PSMD2: variants seen among roughly 807,000 people sequenced by gnomAD.
The protein encoded by PSMD2 is 26S proteasome non-ATPase regulatory subunit 2.
In PSMD2, 8 loss-of-function variants were observed where a neutral mutation model predicts 101.5. The ratio of observed to expected loss-of-function variants is 0.08; its 90% CI spans 0.05 to 0.14. PSMD2 has a LOEUF of 0.14. Ranked by LOEUF, PSMD2 falls within the 10% of genes least tolerant of loss-of-function variation. The pLI, the probability that PSMD2 is intolerant of heterozygous loss-of-function variation, is 1.00. For synonymous variants in PSMD2, 418 were observed against 433.8 expected (o/e 0.96, Z 0.45); for missense variants, 784 against 1,147.4 (o/e 0.68, Z 4.58).
intron 13 of PSMD2, 62 bp downstream of exon 13, chr3:184,305,992 T>C: frequency 6.2e-7 from 1 of 1,613,520 alleles, no homozygotes. Context: ...AGGGAGGGTT[T>C]ATGTGTCAGG....
chr3:184,306,179 T>C (rs1721825090), intron 14 of PSMD2, 24 bp downstream of exon 14: 2 of 1,612,688 alleles, frequency 1.2e-6, no homozygotes, highest in Non-Finnish European at 1.7e-6. Flanking sequence ...TGAGTCTGTC[T>C]TGTGCTTCCC....
At position 184,306,770 on chromosome 3, in the gene PSMD2, T is replaced by C. The variant is rs1560196623; in HGVS notation, c.1970T>C (p.Ile657Thr). The C allele has an allele frequency of 6.2e-7, 1 of 1,613,932 alleles. No homozygotes were observed. The highest frequency in any genetic ancestry group is 8.5e-7 in the Non-Finnish European group (1 of 1,179,922). The change falls in exon 16 of 21, where the codon ATT becomes ACT. Residue 657 changes from isoleucine (I) to threonine (T), a missense_variant. Around this residue, in one of 6 missense-constraint regions of PSMD2, gnomAD observed 282 missense variants for 437.6 expected, o/e 0.64. Transcript: ENST00000310118. ...GAHQGVAVLG[I>T]ALIAMGEEIG... is the part of the protein sequence containing the mutation. Reference sequence around the variant, plus strand: ...TTGCAGGGAGTGGCTGTTCTGGGGATTGCCCTTATTGCTATGGGGGAGGAG... The same window carrying C: ...TTGCAGGGAGTGGCTGTTCTGGGGACTGCCCTTATTGCTATGGGGGAGGAG...
At chr3:184,302,976 A>G (rs746760675) in intron 7 of PSMD2, 26 bp from the exon 8 acceptor site, 36 of 1,613,786 alleles carry the variant, frequency 2.2e-5, no homozygotes, top group Non-Finnish European at 2.7e-5. Context: ...TAGGGAAGCA[A>G]TTGTGACCCT....
chr3:184,301,851 C>A lies in PSMD2; in HGVS notation c.484C>A (p.Leu162Met), dbSNP rs1352737955. 1 of 1,614,068 alleles carries A rather than the reference C, an allele frequency of 6.2e-7. No individual in the cohort carries two copies. Among genetic ancestry groups the A allele is most frequent in the Non-Finnish European group, 8.5e-7 (1 of 1,180,050 alleles). The stretch of plus-strand genomic sequence containing the variant: ...ATCGTCTGGGACTATCTGTAGGCAT[C>A]TGGCAGGAGAAGTGGCTAAGGAGTG... Reference protein sequence around the residue: ...ASWGHEYVRHLAGEVAKEWQE... With the variant: ...ASWGHEYVRHMAGEVAKEWQE... The change falls in exon 5 of 21, where the codon CTG becomes ATG. Residue 162 changes from leucine (L) to methionine (M), a missense_variant. Physicochemically the swap from Leu to Met is conservative, Grantham distance 15 (BLOSUM62 2). Around this residue, in one of 6 missense-constraint regions of PSMD2, gnomAD observed 208 missense variants for 301.6 expected, o/e 0.69. Coordinates refer to ENST00000310118, the MANE Select transcript of PSMD2 (RefSeq NM_002808.5).
At chr3:184,303,272 C>T in intron 8 of PSMD2, 48 bp from the exon 9 acceptor site, 1 of 1,592,042 alleles carries the variant, frequency 6.3e-7, no homozygotes, top group East Asian at 2.2e-5. Flanking sequence ...TCTTTCCTGT[C>T]CTACCTGAAA....
Position 184,299,363 on chromosome 3 carries a change from C to T in PSMD2, c.97C>T (p.Arg33Trp), listed in dbSNP as rs17524338. 27 of 1,407,222 alleles carry T rather than the reference C, an allele frequency of 1.9e-5. No individual in the cohort carries two copies. The highest frequency in any genetic ancestry group is 2.4e-5 in the Non-Finnish European group (26 of 1,083,738). 87.2% of individuals were successfully genotyped at this position (1,407,222 alleles called of 1,614,324 possible). A position where few individuals can be genotyped will look rare whatever the true frequency, so the allele number is the denominator to read the frequency against. The change falls in exon 1 of 21, where the codon CGG becomes TGG. Residue 33 changes from arginine (R) to tryptophan (W), a missense_variant. Around this residue, in one of 6 missense-constraint regions of PSMD2, gnomAD observed 196 missense variants for 182.4 expected, o/e 1.07. Transcript: ENST00000310118. ...GTDEKPSGKE[R>W]RDAGDKDKEQ... Reference sequence around the variant, plus strand: ...GGACGAGAAGCCGAGCGGCAAGGAGCGGCGGGATGCCGGGGACAAGGACAA... The same window carrying T: ...GGACGAGAAGCCGAGCGGCAAGGAGTGGCGGGATGCCGGGGACAAGGACAA...
At chr3:184,302,911 C>T in intron 7 of PSMD2, 88 bp downstream of exon 7, 3 of 1,610,468 alleles carry the variant, frequency 1.9e-6, no homozygotes, top group Non-Finnish European at 1.7e-6. Context: ...ACTAGACTCT[C>T]CTTGATTAGA....
At chr3:184,302,263 G>T (rs967987602) in intron 5 of PSMD2, 107 bp from the exon 6 acceptor site, 2 of 1,268,370 alleles carry the variant, frequency 1.6e-6, no homozygotes, top group Non-Finnish European at 1.1e-6. Flanking sequence ...CTAGCACAGT[G>T]CCTGGTGTAT....
chr3:184,301,774 C>T (rs1721651381), intron 4 of PSMD2, 73 bp from the exon 5 acceptor site: 1 of 1,609,818 alleles, frequency 6.2e-7, no homozygotes, highest in Non-Finnish European at 8.5e-7. Flanking sequence ...TTCCCAGACG[C>T]TGGATTCCTT....
chr3:184,302,135 G>A (rs780422245), intron 5 of PSMD2, 64 bp downstream of exon 5: 76 of 1,515,474 alleles, frequency 5.0e-5, no homozygotes, highest in African/African-American at 1.9e-4. Context: ...TCTCAATTGC[G>A]CCTCCTCTAT....
At position 184,301,519 on chromosome 3, in the gene PSMD2, G is replaced by T. The variant is rs1721643346; in HGVS notation, c.358-18G>T. Reference sequence around the variant, plus strand: ...CTGGACTGCTGGGTTTGACTTCAAAGAACTCTTTTCTTTATAGCGTTTTGC... The same window carrying T: ...CTGGACTGCTGGGTTTGACTTCAAATAACTCTTTTCTTTATAGCGTTTTGC... On this transcript the variant is annotated intron_variant, in intron 3 of 20. Coordinates refer to ENST00000310118, the MANE Select transcript of PSMD2 (RefSeq NM_002808.5). 1.9e-6 allele frequency: 3 copies of T among 1,612,660 alleles called. No homozygotes were observed. The highest frequency in any genetic ancestry group is 1.1e-5 in the South Asian group (1 of 90,974).
At chr3:184,302,244 T>C in intron 5 of PSMD2, 126 bp from the exon 6 acceptor site, 6 of 1,200,092 alleles carry the variant, frequency 5.0e-6, no homozygotes, top group Non-Finnish European at 7.0e-6. Context: ...TTCTTAGTAG[T>C]TCTAACATCT....
chr3:184,299,593 C>T, intron 1 of PSMD2, 192 bp downstream of exon 1: 1 of 794,100 alleles, frequency 1.3e-6, no homozygotes, highest in Non-Finnish European at 1.9e-6. Context: ...CCGCCGTCCC[C>T]ACCAACCCTC....
chr3:184,299,282 C>A lies in PSMD2; in HGVS notation c.16C>A (p.Arg6=). The A allele has an allele frequency of 1.5e-6, 2 of 1,359,922 alleles. No homozygotes were observed. Among genetic ancestry groups the A allele is most frequent in the Non-Finnish European group, 1.9e-6 (2 of 1,056,932 alleles). The allele number at this position is 1,359,922 out of a possible 1,614,324, so 84.2% of individuals were successfully genotyped here. A position where few individuals can be genotyped will look rare whatever the true frequency, so the allele number is the denominator to read the frequency against. MEEGG[R]DKAPVQPQQS... is the part of the protein sequence containing the mutation. Reference sequence around the variant, plus strand: ...GGCGGCGGAGATGGAGGAGGGAGGCCGGGACAAGGCGCCGGTGCAGCCCCA... The same window carrying A: ...GGCGGCGGAGATGGAGGAGGGAGGCAGGGACAAGGCGCCGGTGCAGCCCCA... Residue 6 remains arginine, a synonymous_variant, in exon 1 of 21, where the codon CGG becomes AGG. Coordinates refer to ENST00000310118, the MANE Select transcript of PSMD2 (RefSeq NM_002808.5).
In PSMD2 at chr3:184,302,442, T is replaced by G. The variant is rs1368437053; in HGVS notation, c.777T>G (p.Phe259Leu). The change falls in exon 6 of 21, where the codon TTT (phenylalanine) becomes TTG (leucine). Residue 259 changes from phenylalanine to leucine, a missense_variant. Phe to Leu is a conservative substitution (Grantham distance 22, BLOSUM62 0). Around this residue, in one of 6 missense-constraint regions of PSMD2, gnomAD observed 208 missense variants for 301.6 expected, o/e 0.69. Coordinates refer to ENST00000310118, the MANE Select transcript of PSMD2 (RefSeq NM_002808.5). Reference protein sequence around the residue: ...LRCALGVFRKFSRFPEALRLA... With the variant: ...LRCALGVFRKLSRFPEALRLA... ...GTGCCCTGGGTGTGTTCCGAAAGTT[T>G]AGCCGCTTCCCTGAAGCTCTGAGAT... 1.2e-6 allele frequency: 2 copies of G among 1,614,226 alleles called. No individual in the cohort carries two copies. The highest frequency in any genetic ancestry group is 2.7e-5 in the African/African-American group (2 of 75,064).
chr3:184,302,774 T>G lies in PSMD2; in HGVS notation c.959T>G (p.Ile320Ser), dbSNP rs1721689969. ...GAGGAGTATGAGGACCTGACAGAGA[T>G]CATGTCCAATGTACAGCTCAACAGC... The part of the protein sequence containing the change: ...DVEEYEDLTE[I>S]MSNVQLNSNF... Residue 320 changes from isoleucine (I) to serine (S), a missense_variant, in exon 7 of 21, where the codon ATC becomes AGC. Transcript: ENST00000310118. 6.2e-7 allele frequency: 1 copy of G among 1,613,960 alleles called. No individual in the cohort carries two copies. Among genetic ancestry groups the G allele is most frequent in the Admixed American group, 1.7e-5 (1 of 59,988 alleles).
chr3:184,306,329 T>TC (rs1183557374), intron 14 of PSMD2, 21 bp from the exon 15 acceptor site: 1 of 1,610,168 alleles, frequency 6.2e-7, no homozygotes, highest in Admixed American at 1.7e-5. Context: ...CTGTCCATTC[T>TC]CCCTCACCAC....
rs780194690 is a variant in PSMD2 at position 184,304,080 on chromosome 3, G to A, written c.1451+6G>A. On this transcript the variant is annotated splice_donor_region_variant and intron_variant, in intron 11 of 20. Transcript: ENST00000310118. This position sits in a 1 kb window ranked among gnomAD's most constrained non-coding sequence, Gnocchi z 4.1. ...AGACTTGGTTCCATCTTTGGGTAAGGTTCCTCGCTTGTCTTTCTGGTAGTG... is the reference window on the plus strand; with the variant it reads ...AGACTTGGTTCCATCTTTGGGTAAGATTCCTCGCTTGTCTTTCTGGTAGTG... 3.1e-6 allele frequency: 5 copies of A among 1,613,968 alleles called. No homozygotes were observed. The highest frequency in any genetic ancestry group is 1.7e-5 in the Admixed American group (1 of 60,012).
chr3:184,304,290 C>G lies in PSMD2; in HGVS notation c.1452-14C>G, dbSNP rs766401242. ...GGGTATGTGTTGGGGACCGCCTTTCCATGGCTTTTGCAGGCTAGGCTTGGC... is the reference window on the plus strand; with the variant it reads ...GGGTATGTGTTGGGGACCGCCTTTCGATGGCTTTTGCAGGCTAGGCTTGGC... On this transcript the variant is annotated splice_polypyrimidine_tract_variant and intron_variant, in intron 11 of 20. Coordinates refer to ENST00000310118, the MANE Select transcript of PSMD2 (RefSeq NM_002808.5). The surrounding 1 kb of genome is among the most constrained non-coding windows in gnomAD (Gnocchi z 4.1). 2 of 1,613,822 alleles carry G rather than the reference C, an allele frequency of 1.2e-6. No homozygotes were observed. The highest frequency in any genetic ancestry group is 2.7e-5 in the African/African-American group (2 of 74,918).
Sources: allele counts gnomAD v4.1 joint callset, GRCh38; gene constraint gnomAD v4.1.1; regional missense constraint gnomAD v4.1.1; non-coding constraint Gnocchi (gnomAD v3.1); transcripts MANE v1.5; gene names NCBI Gene and HGNC (gene_info 2026-07-23, HGNC 2026-07-21).